The following KIF20B variants were observed in gnomAD, a reference collection of about 807,000 sequenced individuals.
KIF20B encodes kinesin family member 20B, also known as kinesin-like protein KIF20B.
In KIF20B, 188 loss-of-function variants were observed where a neutral mutation model predicts 232.5. That is an observed-to-expected ratio of 0.81 (90% confidence interval 0.72 to 0.91). The LOEUF (loss-of-function observed/expected upper bound fraction) is 0.91. Ranked by LOEUF, KIF20B falls within the 40% of genes least tolerant of loss-of-function variation. The pLI is 0.00. For missense variants in KIF20B, 2,154 were observed against 2,055.9 expected, an observed-to-expected ratio of 1.05 and a Z score of -0.92; for synonymous variants, 712 against 683.0, an observed-to-expected ratio of 1.04 and a Z score of -0.66.
At chr10:89,758,671 G>T (rs375007265) in intron 26 of KIF20B, 35 bp from the exon 27 acceptor site, 121 of 1,423,856 alleles carry the variant, frequency 8.5e-5, no homozygotes, top group South Asian at 6.4e-4. Flanking sequence ...AATATATCAA[G>T]GTTGATTTTA....
In KIF20B at chr10:89,719,547, A is replaced by G. The variant is rs779759377; in HGVS notation, c.1563A>G (p.Ser521=). 2.5e-6 allele frequency: 4 copies of G among 1,613,240 alleles called. No homozygotes were observed. Among genetic ancestry groups the G allele is most frequent in the Admixed American group, 3.3e-5 (2 of 59,974 alleles). The stretch of plus-strand genomic sequence containing the variant: ...TAAATGTAAAAAGAGCCACCATTTC[A>G]TGGGAAAATAGTCTAGAAGATTTGA... The part of the protein sequence containing the change: ...KILNVKRATI[S]WENSLEDLME... The change falls in exon 13 of 33, where the codon TCA becomes TCG. Residue 521 remains serine, a synonymous_variant. Transcript: ENST00000371728.
intron 26 of KIF20B, among the ~76,000 whole-genome samples, chr10:89,755,192 C>T (rs891163159): frequency 5.3e-5 from 8 of 152,138 alleles, no homozygotes; most frequent in Non-Finnish European, 1.2e-4. Flanking sequence ...AGAAGCTAAA[C>T]GTTATCGTTA....
At chr10:89,702,699 A>G (rs964253132) in intron 1 of KIF20B, among the ~76,000 whole-genome samples, 1 of 152,122 alleles carries the variant, frequency 6.6e-6, no homozygotes, top group African/African-American at 2.4e-5. Context: ...TTTGAAATGA[A>G]AAATGAGGTC....
intron 19 of KIF20B, among the ~76,000 whole-genome samples, chr10:89,734,146 A>G (rs1330999721): frequency 1.3e-5 from 2 of 152,248 alleles, no homozygotes; most frequent in East Asian, 3.9e-4. Flanking sequence ...GTGGTGGCTC[A>G]TGCCTGTAAT....
At chr10:89,754,411 A>T in intron 25 of KIF20B, 107 bp from the exon 26 acceptor site, 1 of 569,990 alleles carries the variant, frequency 1.8e-6, no homozygotes, top group African/African-American at 1.9e-5. Flanking sequence ...GAAACATTAA[A>T]GTTTTTATAG....
intron 18 of KIF20B, among the ~76,000 whole-genome samples, chr10:89,731,522 G>A (rs1187951352): frequency 2.0e-5 from 3 of 152,122 alleles, no homozygotes; most frequent in African/African-American, 7.2e-5. Context: ...TGTCTTGAGC[G>A]CAAACTCTTT....
At chr10:89,724,820 G>A (rs897369221) in intron 14 of KIF20B, among the ~76,000 whole-genome samples, 200 bp from the exon 15 acceptor site, 1 of 151,998 alleles carries the variant, frequency 6.6e-6, no homozygotes, top group African/African-American at 2.4e-5. Context: ...TTGCTGTGTT[G>A]GCCAGGCTGG....
intron 23 of KIF20B, among the ~76,000 whole-genome samples, chr10:89,748,032 G>A (rs1266532764): frequency 1.3e-5 from 2 of 151,992 alleles, no homozygotes; most frequent in Non-Finnish European, 2.9e-5. Context: ...TTTTTGAGAC[G>A]GAGATTCGCT....
intron 19 of KIF20B, among the ~76,000 whole-genome samples, chr10:89,734,382 G>A (rs1841598706): frequency 6.6e-6 from 1 of 152,180 alleles, no homozygotes; most frequent in Admixed American, 6.5e-5. Flanking sequence ...TTGCACTCCA[G>A]CCAGGGCAAC....
intron 31 of KIF20B, among the ~76,000 whole-genome samples, chr10:89,769,101 C>T (rs962524): frequency 0.31 from 46,516 of 151,712 alleles, 7,974 homozygotes; most frequent in African/African-American, 0.45. Context: ...ATTTAAGTAA[C>T]TGATCCAGAG....
rs1022958010 is a variant in KIF20B, at chr10:89,730,114, CAG to C, written c.2391+868_2391+869del. ...AACTTTAGATGGGCATTTGATACCA[CAG>C]GGGTAAATGAGGAGCATTCTAGAAG... On this transcript the variant is annotated intron_variant, in intron 18 of 32. Coordinates refer to ENST00000371728, the MANE Select transcript of KIF20B (RefSeq NM_001284259.2). 7.9e-5 allele frequency among the ~76,000 whole-genome samples: 12 copies of C among 152,216 alleles called. No homozygotes were observed. In the East Asian group the frequency reaches 1.9e-3, roughly 24 times the overall value.
Position 89,724,095 on chromosome 10 carries a change from T to G in KIF20B, c.1854T>G (p.Ala618=). ...CTCAGTATTGGGCTCAACGGGAAGC[T>G]GACTTTAAGTAAGTTATTTATTTCA... ...EFTQYWAQRE[A]DFKETLLQER... is the part of the protein sequence containing the mutation. Residue 618 remains alanine (A), a synonymous_variant, in exon 14 of 33, where the codon GCT becomes GCG. Coordinates refer to ENST00000371728, the MANE Select transcript of KIF20B (RefSeq NM_001284259.2). 1 of 1,485,394 alleles carries G rather than the reference T, an allele frequency of 6.7e-7. No homozygotes were observed. Among genetic ancestry groups the G allele is most frequent in the Non-Finnish European group, 8.9e-7 (1 of 1,122,360 alleles). The allele number at this position is 1,485,394 out of a possible 1,614,324, so 92.0% of individuals were successfully genotyped here.
chr10:89,756,154 C>T lies in KIF20B; in HGVS notation c.4503+1481C>T, dbSNP rs151205597. 8.5e-5 allele frequency among the ~76,000 whole-genome samples: 13 copies of T among 152,280 alleles called. No homozygotes were observed. The East Asian group carries it at 2.5e-3, about 29-fold the overall frequency. Reference sequence around the variant, plus strand: ...AGAGTCTACCATTGAATGCTCTGTCCTCATGTCACATGGTGTAAATTTGCT... The same window carrying T: ...AGAGTCTACCATTGAATGCTCTGTCTTCATGTCACATGGTGTAAATTTGCT... On this transcript the variant is annotated intron_variant, in intron 26 of 32. Transcript: ENST00000371728.
chr10:89,724,254 C>T (rs887987105), intron 14 of KIF20B, 151 bp downstream of exon 14: 15 of 767,198 alleles, frequency 2.0e-5, no homozygotes, highest in South Asian at 1.6e-4. Context: ...TGGTCTGGTG[C>T]GGTGGCTCAC....
Position 89,705,459 on chromosome 10 carries a change from A to G in KIF20B, c.147+18A>G, listed in dbSNP as rs1400554319. 3 of 1,609,536 alleles carry G rather than the reference A, an allele frequency of 1.9e-6. No homozygotes were observed. Among genetic ancestry groups the G allele is most frequent in the Admixed American group, 3.4e-5 (2 of 59,424 alleles). ...ATACTGAGGTAAGTACAAGAAAAGT[A>G]TTGTGTTGATTATCATGCCTCCTTC... On this transcript the variant is annotated intron_variant, in intron 2 of 32. Transcript: ENST00000371728.
chr10:89,717,726 A>G lies in KIF20B; in HGVS notation c.1271+4A>G, dbSNP rs770563193. Reference sequence around the variant, plus strand: ...TGAAGAATAGTGAAAAGTCAAAGTAAGTGTTTCTGAAAGTGTTATTAGCAT... The same window carrying G: ...TGAAGAATAGTGAAAAGTCAAAGTAGGTGTTTCTGAAAGTGTTATTAGCAT... On this transcript the variant is annotated splice_donor_region_variant and intron_variant, in intron 11 of 32. Coordinates refer to ENST00000371728, the MANE Select transcript of KIF20B (RefSeq NM_001284259.2). 1 of 1,578,240 alleles carries G rather than the reference A, an allele frequency of 6.3e-7. No individual in the cohort carries two copies. Among genetic ancestry groups the G allele is most frequent in the Non-Finnish European group, 8.6e-7 (1 of 1,163,090 alleles).
intron 21 of KIF20B, among the ~76,000 whole-genome samples, chr10:89,739,468 C>A (rs1328574786): frequency 7.8e-6 from 1 of 127,734 alleles, no homozygotes; most frequent in Non-Finnish European, 1.7e-5. Flanking sequence ...TCACATTATT[C>A]CAAATTTGAA....
chr10:89,737,281 G>C, intron 19 of KIF20B, 106 bp from the exon 20 acceptor site: 1 of 1,113,520 alleles, frequency 9.0e-7, no homozygotes, highest in Non-Finnish European at 1.2e-6. Flanking sequence ...TTTTTAATTA[G>C]AAGTTTACTT....
At position 89,774,079 on chromosome 10, in the gene KIF20B, T is replaced by C. The variant is rs1842521930; in HGVS notation, c.*31T>C. On this transcript the variant is annotated 3_prime_UTR_variant, in exon 33 of 33. Transcript: ENST00000371728. ...TTATGGAAATGTTTAATATAAATTT[T>C]ATAGTCATAGTCATTGGAACTTGCA... The C allele has an allele frequency of 1.4e-6, 2 of 1,400,274 alleles. No individual in the cohort carries two copies. 86.7% of individuals were successfully genotyped at this position (1,400,274 alleles called of 1,614,324 possible).
Sources: gnomAD v4.1 joint callset for allele counts (sites outside exome capture counted in the v4.1 genomes callset) on GRCh38, gnomAD v4.1.1 for gene constraint, MANE v1.5 for transcripts, NCBI Gene and HGNC (gene_info 2026-07-23, HGNC 2026-07-21) for gene names.